Variants in CCSER1 observed in about 807,000 individuals in gnomAD.
The protein encoded by CCSER1 is coiled-coil serine rich protein 1.
Under a neutral mutation model 82.0 loss-of-function variants are expected in CCSER1, and 41 were observed. The ratio of observed to expected loss-of-function variants is 0.50; its 90% CI spans 0.39 to 0.65. The LOEUF (loss-of-function observed/expected upper bound fraction) is 0.65. Among genes scored for constraint, CCSER1 ranks in the 30% least tolerant of loss-of-function variants. CCSER1 has a pLI of 0.00. For missense variants in CCSER1, 1,119 were observed against 1,064.2 expected, an observed-to-expected ratio of 1.05 and a Z score of -0.72; for synonymous variants, 414 against 383.9, an observed-to-expected ratio of 1.08 and a Z score of -0.92.
chr4:91,123,814 A>G (rs1561566773), intron 10 of CCSER1, among the ~76,000 whole-genome samples: 1 of 151,766 alleles, frequency 6.6e-6, no homozygotes, highest in Non-Finnish European at 1.5e-5. Context: ...TCTGTATGTA[A>G]CTGAGACAGA....
chr4:90,369,320 TGAG>T (rs1746931897), intron 3 of CCSER1, among the ~76,000 whole-genome samples: 3 of 100,668 alleles, frequency 3.0e-5, no homozygotes, highest in African/African-American at 7.8e-5. Flanking sequence ...AAGATGAGGA[TGAG>T]GAGGAAGAAA....
intron 3 of CCSER1, among the ~76,000 whole-genome samples, chr4:90,326,743 T>C (rs1195388613): frequency 1.3e-5 from 2 of 152,168 alleles, no homozygotes; most frequent in Non-Finnish European, 2.9e-5. Context: ...ATAGGTGCAG[T>C]AGGGGGTGGT....
chr4:90,620,687 T>C (rs1722147828), intron 5 of CCSER1, among the ~76,000 whole-genome samples: 1 of 152,122 alleles, frequency 6.6e-6, no homozygotes, highest in African/African-American at 2.4e-5. Flanking sequence ...AAGACAAACC[T>C]AACACAAAGA....
chr4:91,416,692 C>T (rs973904969), intron 10 of CCSER1, among the ~76,000 whole-genome samples: 1 of 152,084 alleles, frequency 6.6e-6, no homozygotes, highest in African/African-American at 2.4e-5. Context: ...ATATCTTATA[C>T]AAAAATTAAC....
At chr4:91,016,382 A>G (rs989581076) in intron 9 of CCSER1, among the ~76,000 whole-genome samples, 3 of 152,024 alleles carry the variant, frequency 2.0e-5, no homozygotes, top group African/African-American at 7.2e-5. Context: ...AAGCAACAGA[A>G]TAATTATTCC....
chr4:90,511,667 G>A (rs1482552088), intron 5 of CCSER1, among the ~76,000 whole-genome samples: 2 of 152,186 alleles, frequency 1.3e-5, no homozygotes, highest in Admixed American at 1.3e-4. Flanking sequence ...ATGCTCTGCA[G>A]ATAATAAAAG....
chr4:90,603,184 T>C (rs992281409), intron 5 of CCSER1, among the ~76,000 whole-genome samples: 32 of 152,232 alleles, frequency 2.1e-4, no homozygotes, highest in African/African-American at 7.2e-4. Context: ...AATAGAAGCG[T>C]ATGCAGTGGC....
At chr4:91,096,464 C>A (rs186527792) in intron 10 of CCSER1, among the ~76,000 whole-genome samples, 12 of 152,260 alleles carry the variant, frequency 7.9e-5, no homozygotes, top group Admixed American at 7.8e-4. Flanking sequence ...TGCTGCCTGT[C>A]CCCTTAACCA....
chr4:90,935,977 T>C (rs899793610), intron 9 of CCSER1, among the ~76,000 whole-genome samples: 1 of 152,086 alleles, frequency 6.6e-6, no homozygotes, highest in Non-Finnish European at 1.5e-5. Flanking sequence ...TTGTCACTTT[T>C]TGCAATGAAC....
intron 1 of CCSER1, among the ~76,000 whole-genome samples, chr4:90,268,241 AAC>A (rs1268283848): frequency 6.6e-6 from 1 of 152,188 alleles, no homozygotes; most frequent in East Asian, 1.9e-4. Flanking sequence ...TATGCAGAAA[AAC>A]ACAGAATATT....
At chr4:91,014,681 A>AGG (rs1426105435) in intron 9 of CCSER1, among the ~76,000 whole-genome samples, 18 of 82,536 alleles carry the variant, frequency 2.2e-4, no homozygotes, top group East Asian at 5.1e-4. Flanking sequence ...AGCAAATGTA[A>AGG]ACATACATTC....
intron 10 of CCSER1, among the ~76,000 whole-genome samples, chr4:91,086,509 A>AT (rs1382911503): frequency 3.3e-5 from 5 of 151,774 alleles, no homozygotes; most frequent in Non-Finnish European, 5.9e-5. Context: ...ACATCACTTA[A>AT]TTTTTTTTCC....
chr4:90,582,750 A>T (rs1781540698), intron 5 of CCSER1, among the ~76,000 whole-genome samples: 1 of 152,154 alleles, frequency 6.6e-6, no homozygotes, highest in African/African-American at 2.4e-5. Context: ...ATTTAAAGTA[A>T]CCCTTTTCAG....
At chr4:90,222,234 T>C (rs976544361) in intron 1 of CCSER1, among the ~76,000 whole-genome samples, 1 of 152,148 alleles carries the variant, frequency 6.6e-6, no homozygotes, top group Non-Finnish European at 1.5e-5. Flanking sequence ...ATGTCTTATT[T>C]CTCATTAGCA....
intron 1 of CCSER1, among the ~76,000 whole-genome samples, chr4:90,181,597 C>T (rs1441885441): frequency 6.6e-6 from 1 of 152,082 alleles, no homozygotes; most frequent in Non-Finnish European, 1.5e-5. Flanking sequence ...GGAACAGTTG[C>T]AGGGGTCGTT....
chr4:90,989,690 T>G (rs1581270475), intron 9 of CCSER1, among the ~76,000 whole-genome samples: 1 of 151,800 alleles, frequency 6.6e-6, no homozygotes, highest in Non-Finnish European at 1.5e-5. Context: ...AATGGAGATG[T>G]TTCCCATTCT....
intron 10 of CCSER1, among the ~76,000 whole-genome samples, chr4:91,489,845 C>T (rs868489223): frequency 2.0e-5 from 3 of 152,004 alleles, no homozygotes; most frequent in Middle Eastern, 6.8e-3. Context: ...TACTCTCTGA[C>T]CAAAACTTAA....
intron 8 of CCSER1, among the ~76,000 whole-genome samples, chr4:90,905,776 G>A (rs924233733): frequency 2.0e-5 from 3 of 152,076 alleles, no homozygotes; most frequent in African/African-American, 2.4e-5. Flanking sequence ...CGGGGCCTGC[G>A]CCTCTTCTGC....
At chr4:90,732,462 C>T (rs1052268627) in intron 7 of CCSER1, among the ~76,000 whole-genome samples, 1 of 152,168 alleles carries the variant, frequency 6.6e-6, no homozygotes, top group Non-Finnish European at 1.5e-5. Context: ...AAGGATTTTA[C>T]TGGGGGCTTA....
Sources: allele counts gnomAD v4.1 joint callset (sites outside exome capture counted in the v4.1 genomes callset), GRCh38; gene constraint gnomAD v4.1.1; transcripts MANE v1.5; gene names NCBI Gene and HGNC (gene_info 2026-07-23, HGNC 2026-07-21).